Variants in ADNP observed in about 807,000 individuals in gnomAD.
ADNP encodes activity dependent neuroprotector homeobox, also known as activity-dependent neuroprotector homeobox protein.
In ADNP, 4 loss-of-function variants were observed where a neutral mutation model predicts 84.9. The ratio of observed to expected loss-of-function variants is 0.05; its 90% CI spans 0.02 to 0.11. The LOEUF (loss-of-function observed/expected upper bound fraction) is 0.11. ADNP is among the 10% of genes least tolerant of loss of function. ADNP has a pLI of 1.00. For synonymous variants in ADNP, 554 were observed against 468.1 expected (o/e 1.18, Z -2.37); for missense variants, 1,132 against 1,326.0 (o/e 0.85, Z 2.27).
Position 50,931,247 on chromosome 20 carries a change from G to C in ADNP, c.-686C>G. 1 of 73,132 alleles carries C rather than the reference G, an allele frequency of 1.4e-5. No homozygotes were observed. 4.5% of individuals were successfully genotyped at this position (73,132 alleles called of 1,614,324 possible). A position where few individuals can be genotyped will look rare whatever the true frequency, so the allele number is the denominator to read the frequency against. Reference sequence around the variant, plus strand: ...GGGGGAGGGGGCACAAGATGGCGGCGGCCGGGGGGGGGGGGGCGGGAGTTC... The same window carrying C: ...GGGGGAGGGGGCACAAGATGGCGGCCGCCGGGGGGGGGGGGGCGGGAGTTC... On this transcript the variant is annotated 5_prime_UTR_variant, in exon 1 of 6. Coordinates refer to ENST00000621696, the MANE Select transcript of ADNP (RefSeq NM_001282531.3).
chr20:50,891,660 G>C lies in ADNP; in HGVS notation c.3054C>G (p.Thr1018=). 3.1e-6 allele frequency: 5 copies of C among 1,614,194 alleles called. No homozygotes were observed. Among genetic ancestry groups the C allele is most frequent in the Non-Finnish European group, 4.2e-6 (5 of 1,180,042 alleles). Residue 1018 remains threonine (T), a synonymous_variant, in exon 6 of 6, where the codon ACC becomes ACG. Transcript: ENST00000621696. ...SSKPAAKKKA[T]MQGDREQLKW... is the part of the protein sequence containing the mutation. ...TCAACTGCTCTCTGTCACCTTGCAT[G>C]GTAGCCTTTTTTTTGGCAGCTGGCT...
intron 2 of ADNP, among the ~76,000 whole-genome samples, chr20:50,923,636 G>C (rs1465841861): frequency 6.6e-6 from 1 of 152,082 alleles, no homozygotes; most frequent in Admixed American, 6.5e-5. Context: ...TCCTGCCTCA[G>C]CCTCCCAAGT....
At chr20:50,929,598 T>C (rs1010543926) in intron 1 of ADNP, among the ~76,000 whole-genome samples, 4 of 152,194 alleles carry the variant, frequency 2.6e-5, no homozygotes, top group African/African-American at 7.2e-5. Flanking sequence ...CCAACACTCA[T>C]CGCCTTTAGC....
chr20:50,896,399 G>A (rs1027239692), intron 5 of ADNP, among the ~76,000 whole-genome samples: 7 of 152,100 alleles, frequency 4.6e-5, no homozygotes, highest in Non-Finnish European at 8.8e-5. Flanking sequence ...ACACCAGCCT[G>A]GCCAACATGG....
intron 2 of ADNP, among the ~76,000 whole-genome samples, chr20:50,910,118 T>C (rs1371556920): frequency 6.6e-6 from 1 of 152,184 alleles, no homozygotes; most frequent in East Asian, 1.9e-4. Flanking sequence ...AGGGTATTTA[T>C]GCAAAATAAT....
At chr20:50,900,423 C>T (rs1368174297) in intron 5 of ADNP, among the ~76,000 whole-genome samples, 2 of 152,176 alleles carry the variant, frequency 1.3e-5, no homozygotes, top group African/African-American at 4.8e-5. Context: ...TCTCAGAATG[C>T]ATCCCATCAT....
chr20:50,910,553 C>T (rs1418310565), intron 2 of ADNP, among the ~76,000 whole-genome samples: 5 of 152,222 alleles, frequency 3.3e-5, no homozygotes, highest in Non-Finnish European at 7.3e-5. Context: ...TGCCACTGCA[C>T]TCCAGCCTGG....
intron 2 of ADNP, among the ~76,000 whole-genome samples, chr20:50,922,193 G>GA (rs1366797091): frequency 6.6e-6 from 1 of 152,140 alleles, no homozygotes; most frequent in African/African-American, 2.4e-5. Flanking sequence ...AACGTGTAGG[G>GA]TTTTTTCCCA....
rs989286967 is a variant in ADNP, at chr20:50,928,697, G to A, written c.-136C>T. On this transcript the variant is annotated 5_prime_UTR_variant, in exon 2 of 6. Transcript: ENST00000621696. ...TCCAAAGAGCAAGGCAGGAAACGGAGTCCAGATCCTCAAAATGGTAGTACA... is the reference window on the plus strand; with the variant it reads ...TCCAAAGAGCAAGGCAGGAAACGGAATCCAGATCCTCAAAATGGTAGTACA... The A allele has an allele frequency of 1.1e-4, 16 of 152,238 alleles. No individual in the cohort carries two copies. The highest frequency in any genetic ancestry group is 3.9e-4 in the African/African-American group (16 of 41,438). The allele number at this position is 152,238 out of a possible 1,614,324, so 9.4% of individuals were successfully genotyped here.
chr20:50,913,842 G>A (rs1191457380), intron 2 of ADNP: 1 of 553,486 alleles, frequency 1.8e-6, no homozygotes, highest in Non-Finnish European at 3.4e-6. Flanking sequence ...AACTGACCAG[G>A]ACAGAAGTGC....
intron 2 of ADNP, among the ~76,000 whole-genome samples, chr20:50,913,365 A>T (rs1315448207): frequency 6.8e-6 from 1 of 146,486 alleles, no homozygotes. Context: ...TCATTTTTTG[A>T]TAACATCAAC....
At chr20:50,920,262 CA>C (rs56181933) in intron 2 of ADNP, among the ~76,000 whole-genome samples, 16,859 of 64,636 alleles carry the variant, frequency 0.26, 812 homozygotes, top group African/African-American at 0.29. Flanking sequence ...ATTCCACCTC[CA>C]AAAAAAAAAA....
intron 2 of ADNP, chr20:50,914,312 T>C (rs1338732508): frequency 1.4e-6 from 1 of 690,690 alleles, no homozygotes; most frequent in African/African-American, 1.8e-5. Flanking sequence ...AGGAGCAATA[T>C]TTACATAGAG....
chr20:50,900,566 T>G (rs776948899), intron 5 of ADNP, among the ~76,000 whole-genome samples: 6 of 152,188 alleles, frequency 3.9e-5, no homozygotes, highest in Non-Finnish European at 7.3e-5. Flanking sequence ...TGTCATAAGG[T>G]AGCAAGTTTT....
intron 3 of ADNP, 109 bp from the exon 4 acceptor site, chr20:50,904,110 G>A (rs934171218): frequency 1.3e-6 from 1 of 775,256 alleles, no homozygotes; most frequent in African/African-American, 1.7e-5. Context: ...CAAAAAAGGT[G>A]CATAGATATC....
rs766468853 is a variant in ADNP at position 50,914,345 on chromosome 20, A to C, written c.-89-9496T>G. The C allele has an allele frequency of 7.6e-6, 5 of 656,534 alleles. No individual in the cohort carries two copies. The South Asian group carries it at 8.6e-5, about 11-fold the overall frequency. 40.7% of individuals were successfully genotyped at this position (656,534 alleles called of 1,614,324 possible). A position where few individuals can be genotyped will look rare whatever the true frequency, so the allele number is the denominator to read the frequency against. On this transcript the variant is annotated intron_variant, in intron 2 of 5. Transcript: ENST00000621696. ...GAGAATAAAGAAGAAAAGAAACCCC[A>C]CAAGTGGCCAAAGGTGCCCTGGGTT...
intron 2 of ADNP, among the ~76,000 whole-genome samples, chr20:50,911,312 A>AG (rs1439453594): frequency 1.3e-5 from 2 of 152,064 alleles, no homozygotes; most frequent in African/African-American, 2.4e-5. Flanking sequence ...AGTTTCCCCC[A>AG]GGTTTCCCTA....
At chr20:50,924,707 A>T (rs1216843965) in intron 2 of ADNP, among the ~76,000 whole-genome samples, 1 of 152,208 alleles carries the variant, frequency 6.6e-6, no homozygotes, top group Non-Finnish European at 1.5e-5. Flanking sequence ...TATTAAAGTC[A>T]TCACAGTCAC....
intron 2 of ADNP, among the ~76,000 whole-genome samples, chr20:50,920,453 G>A (rs777650836): frequency 6.6e-6 from 1 of 151,042 alleles, no homozygotes; most frequent in Non-Finnish European, 1.5e-5. Context: ...GGTGGCCAGC[G>A]CCTGTAATCC....
Sources: allele counts gnomAD v4.1 joint callset (sites outside exome capture counted in the v4.1 genomes callset), GRCh38; gene constraint gnomAD v4.1.1; transcripts MANE v1.5; gene names NCBI Gene and HGNC (gene_info 2026-07-23, HGNC 2026-07-21).